The following ZNF407 variants were observed in gnomAD, a reference collection of about 807,000 sequenced individuals.
ZNF407 encodes zinc finger protein 407.
Under a neutral mutation model 131.2 loss-of-function variants are expected in ZNF407, and 17 were observed. That is an observed-to-expected ratio of 0.13 (90% CI 0.09 to 0.19). The LOEUF is 0.19. Ranked by LOEUF, ZNF407 falls within the 10% of genes least tolerant of loss-of-function variation. The pLI is 1.00. For synonymous variants in ZNF407, 1,156 were observed against 1,062.0 expected, an observed-to-expected ratio of 1.09 and a Z score of -1.72; for missense variants, 2,681 against 2,830.6, an observed-to-expected ratio of 0.95 and a Z score of 1.20.
Position 74,633,204 on chromosome 18 carries a change from G to T in ZNF407, c.2185G>T (p.Gly729Cys). 6.2e-7 allele frequency: 1 copy of T among 1,613,710 alleles called. No individual in the cohort carries two copies. Among genetic ancestry groups the T allele is most frequent in the Non-Finnish European group, 8.5e-7 (1 of 1,179,794 alleles). ...VLTRHIKLRH[G>C]QDYHFLCKAC... ...CACGAGACATATAAAGCTTCGGCAT[G>T]GTCAAGACTATCATTTTCTTTGTAA... The change falls in exon 2 of 9, where the codon GGT becomes TGT. Residue 729 changes from glycine (G) to cysteine (C), a missense_variant. By Grantham distance (159) the Gly-to-Cys change is radical. Around this residue, in one of 6 missense-constraint regions of ZNF407, gnomAD observed 1,789 missense variants for 1,748.7 expected, o/e 1.02. Transcript: ENST00000299687.
chr18:74,778,417 C>A (rs1252323773), intron 3 of ZNF407, among the ~76,000 whole-genome samples: 1 of 152,192 alleles, frequency 6.6e-6, no homozygotes, highest in Non-Finnish European at 1.5e-5. Flanking sequence ...CCCTTGCTGA[C>A]ACTGTAAGAT....
At chr18:74,821,906 A>C (rs956298725) in intron 4 of ZNF407, among the ~76,000 whole-genome samples, 1 of 152,144 alleles carries the variant, frequency 6.6e-6, no homozygotes, top group Non-Finnish European at 1.5e-5. Flanking sequence ...AAGCATTCCT[A>C]TTTCTTCACA....
chr18:74,916,955 T>G (rs1227255196), intron 7 of ZNF407, among the ~76,000 whole-genome samples: 1 of 152,170 alleles, frequency 6.6e-6, no homozygotes. Context: ...TAAAGGCCCA[T>G]GGAGGCTGAG....
At chr18:74,903,259 T>C (rs952755231) in intron 7 of ZNF407, among the ~76,000 whole-genome samples, 1 of 152,204 alleles carries the variant, frequency 6.6e-6, no homozygotes, top group Non-Finnish European at 1.5e-5. Flanking sequence ...GTTACGTACA[T>C]CACCTTAAAT....
At chr18:74,610,278 G>T (rs979222391) in intron 1 of ZNF407, among the ~76,000 whole-genome samples, 1 of 152,152 alleles carries the variant, frequency 6.6e-6, no homozygotes, top group African/African-American at 2.4e-5. Flanking sequence ...CAAGTAGATG[G>T]ATTGCCACAT....
chr18:74,993,390 A>G (rs1370252600), intron 8 of ZNF407, among the ~76,000 whole-genome samples: 1 of 152,214 alleles, frequency 6.6e-6, no homozygotes, highest in Non-Finnish European at 1.5e-5. Flanking sequence ...GCAGACACAG[A>G]AGAGTGCACT....
intron 1 of ZNF407, among the ~76,000 whole-genome samples, chr18:74,628,573 T>A (rs780406830): frequency 1.3e-5 from 2 of 152,130 alleles, no homozygotes; most frequent in Non-Finnish European, 2.9e-5. Context: ...ACTTCATTTT[T>A]AATTTTATTT....
At chr18:74,678,137 T>G (rs1036273256) in intron 3 of ZNF407, among the ~76,000 whole-genome samples, 8 of 152,220 alleles carry the variant, frequency 5.3e-5, no homozygotes, top group African/African-American at 1.9e-4. Context: ...TTTATTTTTT[T>G]AATGTCATGG....
chr18:74,928,824 C>A (rs953078586), intron 8 of ZNF407, among the ~76,000 whole-genome samples: 8 of 152,018 alleles, frequency 5.3e-5, no homozygotes, highest in Admixed American at 2.0e-4. Context: ...CTTTGGGATC[C>A]CTTTGGCCGA....
At chr18:74,987,423 T>A (rs1214033756) in intron 8 of ZNF407, among the ~76,000 whole-genome samples, 3 of 152,194 alleles carry the variant, frequency 2.0e-5, no homozygotes. Flanking sequence ...AACGGTGAGC[T>A]CACGTGTGGT....
intron 3 of ZNF407, among the ~76,000 whole-genome samples, chr18:74,734,279 A>C (rs900066969): frequency 6.6e-6 from 1 of 152,204 alleles, no homozygotes; most frequent in Non-Finnish European, 1.5e-5. Context: ...GGTCCTGTCC[A>C]TCACCTCACA....
At chr18:74,693,123 G>T (rs1010208008) in intron 3 of ZNF407, among the ~76,000 whole-genome samples, 2 of 152,158 alleles carry the variant, frequency 1.3e-5, no homozygotes, top group Middle Eastern at 3.2e-3. Context: ...ATCCATTTGT[G>T]CAGTGGCTGC....
At chr18:74,907,704 T>G (rs1195109548) in intron 7 of ZNF407, among the ~76,000 whole-genome samples, 1 of 152,192 alleles carries the variant, frequency 6.6e-6, no homozygotes, top group African/African-American at 2.4e-5. Context: ...GACATTTAGT[T>G]TTCAAATTTT....
intron 8 of ZNF407, among the ~76,000 whole-genome samples, chr18:74,954,535 TCATG>T (rs1448876434): frequency 3.9e-5 from 6 of 152,236 alleles, no homozygotes; most frequent in Non-Finnish European, 8.8e-5. Flanking sequence ...GGCATTATAA[TCATG>T]CAATAATTAT....
At chr18:74,672,862 G>A (rs1438965281) in intron 3 of ZNF407, among the ~76,000 whole-genome samples, 3 of 152,072 alleles carry the variant, frequency 2.0e-5, no homozygotes, top group Non-Finnish European at 4.4e-5. Flanking sequence ...CATTTAATTT[G>A]TGCTCCCTAC....
rs1353222107 is a variant in ZNF407, at chr18:74,881,084, G to A, written c.5093G>A (p.Arg1698His). 2.5e-6 allele frequency: 4 copies of A among 1,581,218 alleles called. No homozygotes were observed. Among genetic ancestry groups the A allele is most frequent in the Non-Finnish European group, 2.6e-6 (3 of 1,163,074 alleles). ...CTCTGCGGCTTTGCCGGCGGGACCC[G>A]CCACGCCCTCACCAAGCATCGCAGA... ...CDLCGFAGGT[R>H]HALTKHRRQH... is the part of the protein sequence containing the mutation. Residue 1698 changes from arginine to histidine, a missense_variant, in exon 6 of 9, where the codon CGC becomes CAC. Around this residue, in one of 6 missense-constraint regions of ZNF407, gnomAD observed 213 missense variants for 332.2 expected, o/e 0.64. Coordinates refer to ENST00000299687, the MANE Select transcript of ZNF407 (RefSeq NM_017757.3).
chr18:75,013,558 A>G lies in ZNF407; in HGVS notation c.5429-49592A>G, dbSNP rs181900541. On this transcript the variant is annotated intron_variant, in intron 8 of 8. Transcript: ENST00000299687. Reference sequence around the variant, plus strand: ...CAGAAATGTTCTCCAGATTTTGCCCATGAAGCAAGGTCAAAACAGAAGGAT... The same window carrying G: ...CAGAAATGTTCTCCAGATTTTGCCCGTGAAGCAAGGTCAAAACAGAAGGAT... Among the ~76,000 whole-genome samples the G allele has an allele frequency of 4.7e-3, 722 of 152,282 alleles. 6 individuals carry two copies. Among genetic ancestry groups the G allele is most frequent in the African/African-American group, 0.016 (678 of 41,562 alleles).
At chr18:74,787,630 A>G (rs1346548155) in intron 4 of ZNF407, among the ~76,000 whole-genome samples, 2 of 152,154 alleles carry the variant, frequency 1.3e-5, no homozygotes, top group African/African-American at 4.8e-5. Flanking sequence ...TGCGACATCA[A>G]ATATCTGGAT....
chr18:74,887,050 A>G (rs1294136438), intron 6 of ZNF407, among the ~76,000 whole-genome samples: 1 of 152,166 alleles, frequency 6.6e-6, no homozygotes, highest in Non-Finnish European at 1.5e-5. Context: ...TTAAATTACT[A>G]TTCATTTGTT....
Sources: gnomAD v4.1 joint callset for allele counts (sites outside exome capture counted in the v4.1 genomes callset) on GRCh38, gnomAD v4.1.1 for gene constraint, gnomAD v4.1.1 regional missense constraint, MANE v1.5 for transcripts, NCBI Gene and HGNC (gene_info 2026-07-23, HGNC 2026-07-21) for gene names.